The following DCAF1 variants were observed in gnomAD, a reference collection of about 807,000 sequenced individuals.
DCAF1 encodes the protein DDB1 and CUL4 associated factor 1.
In DCAF1, 15 loss-of-function variants were observed where a neutral mutation model predicts 128.0. That is an observed-to-expected ratio of 0.12 (90% CI 0.08 to 0.18). DCAF1 has a LOEUF of 0.18. Ranked by LOEUF, DCAF1 falls within the 10% of genes least tolerant of loss-of-function variation. The pLI is 1.00. For synonymous variants in DCAF1, 610 were observed against 603.0 expected (o/e 1.01, Z -0.17); for missense variants, 988 against 1,649.5 (o/e 0.60, Z 6.95).
rs1439144296 is a variant in DCAF1 at position 51,430,262 on chromosome 3, G to C, written c.1288-50C>G. 8 of 744,210 alleles carry C rather than the reference G, an allele frequency of 1.1e-5. 1 individual carries two copies. Among genetic ancestry groups the C allele is most frequent in the Non-Finnish European group, 2.0e-5 (8 of 397,888 alleles). The allele number at this position is 744,210 out of a possible 1,614,324, so 46.1% of individuals were successfully genotyped here. Reference sequence around the variant, plus strand: ...ATGCTTTTAAATTGTGGGCAAAGGAGCCCTTGAACAGGATGGAAAATTTGC... The same window carrying C: ...ATGCTTTTAAATTGTGGGCAAAGGACCCCTTGAACAGGATGGAAAATTTGC... On this transcript the variant is annotated intron_variant, in intron 10 of 24. Coordinates refer to ENST00000684031, the MANE Select transcript of DCAF1 (RefSeq NM_001387579.1).
At chr3:51,411,891 T>C (rs1306076095) in intron 23 of DCAF1, among the ~76,000 whole-genome samples, 2 of 151,818 alleles carry the variant, frequency 1.3e-5, no homozygotes, top group Non-Finnish European at 2.9e-5. Flanking sequence ...GGGCAGATCA[T>C]CTGAGGTCAG....
At chr3:51,473,017 C>CT (rs1416955262) in intron 3 of DCAF1, among the ~76,000 whole-genome samples, 1 of 151,130 alleles carries the variant, frequency 6.6e-6, no homozygotes, top group African/African-American at 2.4e-5. Flanking sequence ...TGGCTCATGC[C>CT]TGTAATCCCA....
At chr3:51,403,023 G>A (rs1344288841) in intron 24 of DCAF1, 120 bp downstream of exon 24, 11 of 1,450,232 alleles carry the variant, frequency 7.6e-6, no homozygotes, top group African/African-American at 1.4e-5. Flanking sequence ...GACCAGAGTA[G>A]TGAATCAAAT....
intron 8 of DCAF1, 76 bp downstream of exon 8, chr3:51,441,309 A>G: frequency 2.0e-6 from 3 of 1,477,760 alleles, no homozygotes; most frequent in Non-Finnish European, 9.0e-7. Context: ...CTTTGTATAA[A>G]ATACTACCAT....
chr3:51,438,075 C>A (rs1701018845), intron 9 of DCAF1: 1 of 437,094 alleles, frequency 2.3e-6, no homozygotes, highest in Non-Finnish European at 4.5e-6. Context: ...TTCATTCATT[C>A]TTTTCTGACT....
At chr3:51,466,297 A>G (rs945260949) in intron 5 of DCAF1, among the ~76,000 whole-genome samples, 1 of 152,174 alleles carries the variant, frequency 6.6e-6, no homozygotes, top group Non-Finnish European at 1.5e-5. Context: ...AATCCAAAAC[A>G]TGGACCCCCA....
At chr3:51,424,579 G>C (rs4687601) in intron 13 of DCAF1, among the ~76,000 whole-genome samples, 11,036 of 152,032 alleles carry the variant, frequency 0.073, 958 homozygotes, top group East Asian at 0.33. Flanking sequence ...GCCTCCAAAA[G>C]GAGGTTCATG....
chr3:51,414,589 A>C (rs1553629623), intron 19 of DCAF1, 35 bp downstream of exon 19: 6 of 1,602,238 alleles, frequency 3.7e-6, no homozygotes, highest in Non-Finnish European at 5.1e-6. Context: ...AAACCAGACA[A>C]CAAATGGAAG....
intron 9 of DCAF1, among the ~76,000 whole-genome samples, chr3:51,433,487 G>C (rs1700555750): frequency 6.6e-6 from 1 of 151,466 alleles, no homozygotes; most frequent in African/African-American, 2.4e-5. Context: ...TTGAGATGGA[G>C]TTTTGCTCTT....
chr3:51,488,943 C>T (rs1167156648), intron 2 of DCAF1, among the ~76,000 whole-genome samples: 5 of 152,064 alleles, frequency 3.3e-5, no homozygotes, highest in African/African-American at 7.2e-5. Flanking sequence ...CCAGTCTGCG[C>T]GACAGGGCGA....
downstream of DCAF1, chr3:51,396,394 CT>C (rs2089207078): frequency 6.0e-6 from 1 of 167,534 alleles, no homozygotes; most frequent in Non-Finnish European, 1.5e-5. Flanking sequence ...TCCTTTGGCT[CT>C]TAAGACCTAG....
rs1191921104 is a variant in DCAF1 at position 51,420,444 on chromosome 3, C to T, written c.2526G>A (p.Arg842=). The change falls in exon 15 of 25, where the codon AGG becomes AGA. Residue 842 remains arginine, a synonymous_variant. Transcript: ENST00000684031. This position sits in a 1 kb window ranked among gnomAD's most constrained non-coding sequence, Gnocchi z 6.5. The stretch of plus-strand genomic sequence containing the variant: ...GCAGCTCTTTCTCAGGGAAGGAGAT[C>T]CTTGACTGGGCAACAACATCTGCTT... ...LQKADVVAQS[R]ISFPEKELLL... The T allele has an allele frequency of 6.2e-7, 1 of 1,613,914 alleles. No homozygotes were observed. The highest frequency in any genetic ancestry group is 8.5e-7 in the Non-Finnish European group (1 of 1,179,906).
At chr3:51,457,717 T>G (rs1208768559) in intron 6 of DCAF1, among the ~76,000 whole-genome samples, 7 of 152,188 alleles carry the variant, frequency 4.6e-5, no homozygotes, top group Admixed American at 4.6e-4. Context: ...CTGATCTCTC[T>G]GCAGAAACTC....
In DCAF1 at chr3:51,398,846, G is replaced by T. The variant is rs376390937; in HGVS notation, c.4466-19C>A. The T allele has an allele frequency of 1.6e-4, 247 of 1,573,702 alleles. 1 individual carries two copies. The highest frequency in any genetic ancestry group is 9.9e-4 in the Middle Eastern group (6 of 6,040). On this transcript the variant is annotated intron_variant, in intron 24 of 24. Transcript: ENST00000684031. ...CTGTCAGCTGAAAGGGAAGAAAAGG[G>T]AGAGACAAGATTACACACTAGGCTT...
chr3:51,412,107 TC>T (rs1698479144), intron 23 of DCAF1, among the ~76,000 whole-genome samples: 1 of 101,078 alleles, frequency 9.9e-6, no homozygotes, highest in Non-Finnish European at 1.9e-5. Context: ...AAAACTCCAT[TC>T]TAAAAAAAAA....
At chr3:51,464,883 G>T (rs1553645959) in intron 5 of DCAF1, among the ~76,000 whole-genome samples, 1 of 152,064 alleles carries the variant, frequency 6.6e-6, no homozygotes, top group East Asian at 1.9e-4. Flanking sequence ...GGAGAGGAGG[G>T]CCAGAAGGCA....
intron 2 of DCAF1, among the ~76,000 whole-genome samples, chr3:51,485,708 AGAT>A (rs1412544339): frequency 5.3e-5 from 8 of 152,214 alleles, no homozygotes; most frequent in Admixed American, 1.3e-4. Flanking sequence ...TACATGTAAA[AGAT>A]GATATCATTA....
At position 51,398,778 on chromosome 3, in the gene DCAF1, C is replaced by G; in HGVS notation, c.4515G>C (p.Leu1505=). The G allele has an allele frequency of 6.3e-7, 1 of 1,590,448 alleles. No individual in the cohort carries two copies. Among genetic ancestry groups the G allele is most frequent in the Non-Finnish European group, 8.6e-7 (1 of 1,167,898 alleles). The change falls in exon 25 of 25, where the codon CTG becomes CTC. Residue 1505 remains leucine (L), a synonymous_variant. Transcript: ENST00000684031. ...AAGCAGTGATGGCTCCTCACTCATT[C>G]AGAGATAAGATGATGTCATCTTCCA... The part of the protein sequence containing the change: ...SDLEDDIILS[L]NE
upstream of DCAF1, among the ~76,000 whole-genome samples, chr3:51,501,515 G>C (rs1011001362): frequency 6.6e-6 from 1 of 152,100 alleles, no homozygotes; most frequent in Non-Finnish European, 1.5e-5. Flanking sequence ...GAGTCTTCAC[G>C]GCAATACTGT....
Sources: allele counts gnomAD v4.1 joint callset (sites outside exome capture counted in the v4.1 genomes callset), GRCh38; gene constraint gnomAD v4.1.1; non-coding constraint Gnocchi (gnomAD v3.1); transcripts MANE v1.5; gene names NCBI Gene and HGNC (gene_info 2026-07-23, HGNC 2026-07-21).